MAP4K4: variants seen among roughly 807,000 people sequenced by gnomAD.
MAP4K4 encodes mitogen-activated protein kinase kinase kinase kinase 4, also known as HPK/GCK-like kinase HGK.
Under a neutral mutation model 189.6 loss-of-function variants are expected in MAP4K4, and 38 were observed. That is an observed-to-expected ratio of 0.20 (90% CI 0.15 to 0.26). MAP4K4 has a LOEUF of 0.26. MAP4K4 is among the 10% of genes least tolerant of loss of function. The pLI, the probability that MAP4K4 is intolerant of heterozygous loss-of-function variation, is 1.00. For missense variants in MAP4K4, 1,054 were observed against 1,726.9 expected (o/e 0.61, Z 6.91); for synonymous variants, 610 against 624.3 (o/e 0.98, Z 0.34).
chr2:101,740,151 CT>C (rs71250687), intron 2 of MAP4K4, among the ~76,000 whole-genome samples: 24 of 87,192 alleles, frequency 2.8e-4, no homozygotes, highest in Non-Finnish European at 3.3e-4. Flanking sequence ...TTTATATCAT[CT>C]TTTTTTTTTT....
At chr2:101,756,977 C>A (rs1315188724) in intron 2 of MAP4K4, among the ~76,000 whole-genome samples, 1 of 152,136 alleles carries the variant, frequency 6.6e-6, no homozygotes, top group East Asian at 1.9e-4. Flanking sequence ...TGGGAAAGAT[C>A]TTTAACACCG....
chr2:101,887,043 A>AT, intron 29 of MAP4K4, 45 bp from the exon 30 acceptor site: 1 of 1,279,854 alleles, frequency 7.8e-7, no homozygotes, highest in East Asian at 2.7e-5. Context: ...AAAAAAAAAA[A>AT]ATGTTCTCCT....
intron 2 of MAP4K4, among the ~76,000 whole-genome samples, chr2:101,708,726 A>T (rs1559035290): frequency 6.6e-6 from 1 of 152,214 alleles, no homozygotes; most frequent in African/African-American, 2.4e-5. Flanking sequence ...ATATTGGAAC[A>T]CTTTGATCAT....
chr2:101,834,299 G>A, intron 7 of MAP4K4, 110 bp from the exon 8 acceptor site: 1 of 650,586 alleles, frequency 1.5e-6, no homozygotes, highest in Non-Finnish European at 2.7e-6. Flanking sequence ...TTAATTTTCT[G>A]GCAAATTTCC....
chr2:101,735,767 T>C (rs937556372), intron 2 of MAP4K4, among the ~76,000 whole-genome samples: 1 of 152,098 alleles, frequency 6.6e-6, no homozygotes, highest in African/African-American at 2.4e-5. Flanking sequence ...CCAGTTTGGA[T>C]GTTGTTGGAT....
rs73943779 is a variant in MAP4K4, at chr2:101,793,329, C to A, written c.180+2553C>A. On this transcript the variant is annotated intron_variant, in intron 3 of 32. Transcript: ENST00000324219. Reference sequence around the variant, plus strand: ...CAGTCATTGCCCATAGTAAGTGTTGCTTATGGATAGAGGGCCATGCACAGC... The same window carrying A: ...CAGTCATTGCCCATAGTAAGTGTTGATTATGGATAGAGGGCCATGCACAGC... 4.8e-3 allele frequency among the ~76,000 whole-genome samples: 727 copies of A among 152,272 alleles called. 6 individuals are homozygous for A. The highest frequency in any genetic ancestry group is 0.016 in the African/African-American group (682 of 41,550).
At chr2:101,809,582 G>A (rs2095279699) in intron 3 of MAP4K4, among the ~76,000 whole-genome samples, 1 of 152,222 alleles carries the variant, frequency 6.6e-6, no homozygotes. Flanking sequence ...GAAAAGGCCT[G>A]ATGACTTTTT....
rs895966977 is a variant in MAP4K4, at chr2:101,877,600, C to G, written c.3385+454C>G. 3.9e-5 allele frequency among the ~76,000 whole-genome samples: 6 copies of G among 151,980 alleles called. No individual in the cohort carries two copies. In the South Asian group the frequency reaches 6.2e-4, roughly 16 times the overall value. On this transcript the variant is annotated intron_variant, in intron 27 of 32. Coordinates refer to ENST00000324219, the Ensembl canonical transcript of MAP4K4. ...AAGCAATTCTCCTGCCTCAGCCTCC[C>G]GAGTAGCTGGGACTACAGGCAAGTG...
chr2:101,815,456 G>GT (rs1450687654), intron 3 of MAP4K4, among the ~76,000 whole-genome samples: 2 of 151,970 alleles, frequency 1.3e-5, no homozygotes, highest in African/African-American at 2.4e-5. Flanking sequence ...CTTTTGTTAA[G>GT]TTTTTTTTAA....
chr2:101,831,602 A>G (rs1422154510), intron 6 of MAP4K4, 119 bp from the exon 7 acceptor site: 34 of 1,108,172 alleles, frequency 3.1e-5, no homozygotes, highest in Non-Finnish European at 4.3e-5. Context: ...TCGCATATTC[A>G]TGAAGCACTG....
chr2:101,746,142 A>G (rs2065454144), intron 2 of MAP4K4, among the ~76,000 whole-genome samples: 1 of 151,974 alleles, frequency 6.6e-6, no homozygotes, highest in South Asian at 2.1e-4. Context: ...GGTGCATACC[A>G]CCACACCCAG....
At chr2:101,772,483 C>A (rs2081964353) in intron 2 of MAP4K4, among the ~76,000 whole-genome samples, 1 of 152,104 alleles carries the variant, frequency 6.6e-6, no homozygotes, top group East Asian at 1.9e-4. Flanking sequence ...GAATTTTGTT[C>A]TTTTTAAATT....
chr2:101,816,498 T>C (rs1351941026), intron 3 of MAP4K4, among the ~76,000 whole-genome samples: 1 of 152,138 alleles, frequency 6.6e-6, no homozygotes, highest in African/African-American at 2.4e-5. Flanking sequence ...GTATTCTTTC[T>C]CCCCTTGTGT....
chr2:101,733,316 C>T (rs536546542), intron 2 of MAP4K4, among the ~76,000 whole-genome samples: 43 of 152,296 alleles, frequency 2.8e-4, no homozygotes, highest in African/African-American at 9.4e-4. Flanking sequence ...GAAAGGATGT[C>T]AGGAAGGCAC....
chr2:101,852,156 A>G (rs1300847793), intron 12 of MAP4K4, among the ~76,000 whole-genome samples: 1 of 147,046 alleles, frequency 6.8e-6, no homozygotes, highest in Non-Finnish European at 1.5e-5. Context: ...TTTTGTTTTT[A>G]TTAGTATGAG....
rs138611312 is a variant in MAP4K4, at chr2:101,702,992, G to A, written c.123+4454G>A. ...AGTGACCTTTGGGAATGGTAGAAAG[G>A]TTAGGGAGTAGTGGGAATTTCAAGG... On this transcript the variant is annotated intron_variant, in intron 2 of 32. Coordinates refer to ENST00000324219, the Ensembl canonical transcript of MAP4K4. 2.4e-4 allele frequency among the ~76,000 whole-genome samples: 37 copies of A among 152,286 alleles called. No individual in the cohort carries two copies. The East Asian group carries it at 6.6e-3, about 27-fold the overall frequency.
At chr2:101,750,632 C>T (rs532245694) in intron 2 of MAP4K4, among the ~76,000 whole-genome samples, 2 of 151,048 alleles carry the variant, frequency 1.3e-5, no homozygotes, top group African/African-American at 4.9e-5. Flanking sequence ...GCACAATGTG[C>T]ACATGTACCC....
intron 10 of MAP4K4, among the ~76,000 whole-genome samples, chr2:101,841,714 G>A (rs1289205816): frequency 3.3e-5 from 5 of 152,026 alleles, no homozygotes; most frequent in East Asian, 1.9e-4. Flanking sequence ...TGATCTGCCC[G>A]CCTCAGTCTC....
intron 12 of MAP4K4, among the ~76,000 whole-genome samples, chr2:101,849,871 TA>T (rs983552315): frequency 2.6e-5 from 4 of 152,036 alleles, no homozygotes; most frequent in Admixed American, 6.6e-5. Flanking sequence ...CTCTATTTAA[TA>T]AAAAAATAAA....
Sources: gnomAD v4.1 joint callset for allele counts (sites outside exome capture counted in the v4.1 genomes callset) on GRCh38, gnomAD v4.1.1 for gene constraint, MANE v1.5 for transcripts, NCBI Gene and HGNC (gene_info 2026-07-23, HGNC 2026-07-21) for gene names.